The following CTIF variants were observed in gnomAD, a reference collection of about 807,000 sequenced individuals.
CTIF encodes CBP80/20-dependent translation initiation factor.
CTIF carries 21 observed loss-of-function variants against 66.0 expected under a neutral mutation model. The ratio of observed to expected loss-of-function variants is 0.32; its 90% CI spans 0.23 to 0.46. The LOEUF (loss-of-function observed/expected upper bound fraction) is 0.46. Ranked by LOEUF, CTIF falls within the 20% of genes least tolerant of loss-of-function variation. CTIF has a pLI of 1.00. For synonymous variants in CTIF, 345 were observed against 326.4 expected, an observed-to-expected ratio of 1.06 and a Z score of -0.62; for missense variants, 739 against 812.7, an observed-to-expected ratio of 0.91 and a Z score of 1.10.
At position 48,861,907 on chromosome 18, in the gene CTIF, C is replaced by T. The variant is rs2069478221; in HGVS notation, c.*2348C>T. 6.6e-6 allele frequency: 1 copy of T among 152,184 alleles called. No individual in the cohort carries two copies. Among genetic ancestry groups the T allele is most frequent in the South Asian group, 2.1e-4 (1 of 4,814 alleles). The allele number at this position is 152,184 out of a possible 1,614,324, so 9.4% of individuals were successfully genotyped here. ...ATATTTTTAATTACATGTCGTGTCACGGTGGCTCCAGACATACTGTTTGCC... is the reference window on the plus strand; with the variant it reads ...ATATTTTTAATTACATGTCGTGTCATGGTGGCTCCAGACATACTGTTTGCC... On this transcript the variant is annotated 3_prime_UTR_variant, in exon 12 of 12. Coordinates refer to ENST00000256413, the MANE Select transcript of CTIF (RefSeq NM_014772.3).
At chr18:48,715,301 T>A (rs1196865939) in intron 7 of CTIF, among the ~76,000 whole-genome samples, 1 of 152,190 alleles carries the variant, frequency 6.6e-6, no homozygotes, top group Non-Finnish European at 1.5e-5. Context: ...CTCAAGAATG[T>A]TCTTGACATT....
rs183945230 is a variant in CTIF, at chr18:48,541,461, A to G, written c.-29+2149A>G. Among the ~76,000 whole-genome samples the G allele has an allele frequency of 4.5e-3, 685 of 152,358 alleles. 5 individuals carry two copies. The highest frequency in any genetic ancestry group is 0.027 in the Middle Eastern group (8 of 294). ...GAGGGGCCGCCGGCTGTCCGTTCCCAGTTCCTCCTGCCCAGGGCCCGATCT... is the reference window on the plus strand; with the variant it reads ...GAGGGGCCGCCGGCTGTCCGTTCCCGGTTCCTCCTGCCCAGGGCCCGATCT... On this transcript the variant is annotated intron_variant, in intron 1 of 11. Transcript: ENST00000256413.
chr18:48,570,266 C>A (rs2089384416), intron 1 of CTIF, among the ~76,000 whole-genome samples: 1 of 152,162 alleles, frequency 6.6e-6, no homozygotes, highest in Non-Finnish European at 1.5e-5. Context: ...CGGGTAAAAG[C>A]CAACAGTGAT....
intron 10 of CTIF, among the ~76,000 whole-genome samples, chr18:48,845,143 A>AGGGGGT (rs2069041356): frequency 8.5e-6 from 1 of 117,518 alleles, no homozygotes; most frequent in African/African-American, 3.2e-5. Context: ...GAAGAGAAGA[A>AGGGGGT]GGGGGTTGGG....
chr18:48,570,211 ACATGAGGCTGGTT>A (rs2089382930), intron 1 of CTIF, among the ~76,000 whole-genome samples: 1 of 152,198 alleles, frequency 6.6e-6, no homozygotes, highest in Non-Finnish European at 1.5e-5. Context: ...AGAAAAGCAC[ACATGAGGCTGGTT>A]CATTTGCAGA....
At chr18:48,731,611 G>T (rs958797004) in intron 7 of CTIF, among the ~76,000 whole-genome samples, 1 of 152,192 alleles carries the variant, frequency 6.6e-6, no homozygotes, top group African/African-American at 2.4e-5. Context: ...TGTGTGGATG[G>T]ATGGGATTTC....
chr18:48,542,608 T>C (rs1164517021), intron 1 of CTIF, among the ~76,000 whole-genome samples: 1 of 152,182 alleles, frequency 6.6e-6, no homozygotes, highest in Non-Finnish European at 1.5e-5. Context: ...ACAAAGATAG[T>C]AGAGCAGAGA....
At position 48,593,599 on chromosome 18, in the gene CTIF, G is replaced by A. The variant is rs540821477; in HGVS notation, c.-28-25939G>A. ...GGGTTTCACCGTATTAGCCAGGATGGTCTCGATCTCCTGACCTCGTGATCC... is the reference window on the plus strand; with the variant it reads ...GGGTTTCACCGTATTAGCCAGGATGATCTCGATCTCCTGACCTCGTGATCC... On this transcript the variant is annotated intron_variant, in intron 1 of 11. Coordinates refer to ENST00000256413, the MANE Select transcript of CTIF (RefSeq NM_014772.3). 6.2e-3 allele frequency among the ~76,000 whole-genome samples: 947 copies of A among 151,872 alleles called. 5 individuals are homozygous for A. The highest frequency in any genetic ancestry group is 9.6e-3 in the Non-Finnish European group (652 of 67,918).
intron 7 of CTIF, among the ~76,000 whole-genome samples, chr18:48,738,681 C>A (rs1177491237): frequency 6.6e-6 from 1 of 152,240 alleles, no homozygotes; most frequent in Non-Finnish European, 1.5e-5. Flanking sequence ...GGGGTGCCCC[C>A]ACCATACACC....
intron 9 of CTIF, among the ~76,000 whole-genome samples, chr18:48,790,486 C>G (rs1161929551): frequency 1.3e-5 from 2 of 152,252 alleles, no homozygotes; most frequent in Non-Finnish European, 2.9e-5. Context: ...CAACAGGACG[C>G]CCCATGGAGC....
At chr18:48,802,275 C>A (rs1306675924) in intron 9 of CTIF, among the ~76,000 whole-genome samples, 1 of 152,228 alleles carries the variant, frequency 6.6e-6, no homozygotes, top group African/African-American at 2.4e-5. Flanking sequence ...ATGGATAAGA[C>A]CTACCACCTG....
chr18:48,665,156 C>T (rs2091416534), intron 5 of CTIF, among the ~76,000 whole-genome samples: 1 of 151,844 alleles, frequency 6.6e-6, no homozygotes, highest in Admixed American at 6.6e-5. Context: ...CCTCATGATC[C>T]ACCCGCCTCG....
chr18:48,669,196 T>G (rs2091483745), intron 5 of CTIF, among the ~76,000 whole-genome samples: 1 of 152,038 alleles, frequency 6.6e-6, no homozygotes, highest in Non-Finnish European at 1.5e-5. Flanking sequence ...AACTGATTTT[T>G]TTTTTGGTTC....
At chr18:48,795,897 C>G (rs921695343) in intron 9 of CTIF, among the ~76,000 whole-genome samples, 2 of 152,184 alleles carry the variant, frequency 1.3e-5, no homozygotes, top group African/African-American at 4.8e-5. Flanking sequence ...ACCTGGCACC[C>G]ACAGCTCTCA....
At chr18:48,576,979 G>A (rs1009816082) in intron 1 of CTIF, among the ~76,000 whole-genome samples, 2 of 152,224 alleles carry the variant, frequency 1.3e-5, no homozygotes, top group African/African-American at 4.8e-5. Flanking sequence ...TGCAAGTCGT[G>A]GCCTCCATTC....
At chr18:48,776,697 C>T (rs188089466) in intron 9 of CTIF, among the ~76,000 whole-genome samples, 23 of 152,376 alleles carry the variant, frequency 1.5e-4, no homozygotes. Flanking sequence ...CACAGCCCCT[C>T]AAGTGCCTTG....
intron 10 of CTIF, among the ~76,000 whole-genome samples, chr18:48,841,358 G>C (rs2068937023): frequency 6.6e-6 from 1 of 152,226 alleles, no homozygotes; most frequent in Non-Finnish European, 1.5e-5. Flanking sequence ...CCCTCCCTGA[G>C]CTTCCCTCTG....
At chr18:48,687,350 A>ACACC (rs36006904) in intron 6 of CTIF, among the ~76,000 whole-genome samples, 10 of 147,058 alleles carry the variant, frequency 6.8e-5, no homozygotes, top group Non-Finnish European at 1.2e-4. Flanking sequence ...ACACACACAC[A>ACACC]CCAAGCTTAC....
At chr18:48,566,132 TCTC>T (rs1274245285) in intron 1 of CTIF, 1 of 152,232 alleles carries the variant, frequency 6.6e-6, no homozygotes, top group African/African-American at 2.4e-5. Flanking sequence ...GCATTCTGCT[TCTC>T]AGCCTTGCCC....
Sources: gnomAD v4.1 joint callset for allele counts (sites outside exome capture counted in the v4.1 genomes callset) on GRCh38, gnomAD v4.1.1 for gene constraint, MANE v1.5 for transcripts, NCBI Gene and HGNC (gene_info 2026-07-23, HGNC 2026-07-21) for gene names.